The following AKT3 variants were observed in gnomAD, a reference collection of about 807,000 sequenced individuals.
AKT3 encodes the protein RAC-gamma serine/threonine-protein kinase.
In AKT3, 15 loss-of-function variants were observed where a neutral mutation model predicts 65.3. That is an observed-to-expected ratio of 0.23 (90% CI 0.15 to 0.35). The LOEUF (loss-of-function observed/expected upper bound fraction) is 0.35, where lower values mean the gene tolerates loss of function less well. Ranked by LOEUF, AKT3 falls within the 10% of genes least tolerant of loss-of-function variation. The pLI, the probability that AKT3 is intolerant of heterozygous loss-of-function variation, is 1.00. For synonymous variants in AKT3, 206 were observed against 183.8 expected, an observed-to-expected ratio of 1.12 and a Z score of -0.98; for missense variants, 243 against 576.5, an observed-to-expected ratio of 0.42 and a Z score of 5.92.
chr1:243,712,549 A>T (rs1184622848), intron 2 of AKT3, among the ~76,000 whole-genome samples: 1 of 151,210 alleles, frequency 6.6e-6, no homozygotes, highest in East Asian at 1.9e-4. Context: ...CTCCACACAT[A>T]TTTTTTTTTG....
intron 6 of AKT3, among the ~76,000 whole-genome samples, chr1:243,634,667 A>C (rs1222864840): frequency 6.6e-6 from 1 of 151,952 alleles, no homozygotes; most frequent in Non-Finnish European, 1.5e-5. Context: ...CTATATTAAT[A>C]TCAGACAAAA....
intron 8 of AKT3, among the ~76,000 whole-genome samples, chr1:243,595,314 T>G (rs1215398375): frequency 6.6e-6 from 1 of 152,178 alleles, no homozygotes; most frequent in Non-Finnish European, 1.5e-5. Context: ...GCATTTATAA[T>G]ACCATGAATG....
At chr1:243,672,083 G>T (rs1683190624) in intron 3 of AKT3, among the ~76,000 whole-genome samples, 1 of 152,126 alleles carries the variant, frequency 6.6e-6, no homozygotes, top group South Asian at 2.1e-4. Context: ...AACAGTGTTT[G>T]AGCGGGAGAG....
rs1202481329 is a variant in AKT3, at chr1:243,500,819, A to G, written c.*4430T>C. The G allele has an allele frequency of 8.7e-6, 2 of 229,012 alleles. No homozygotes were observed. Among genetic ancestry groups the G allele is most frequent in the Non-Finnish European group, 1.7e-5 (2 of 115,546 alleles). The allele number at this position is 229,012 out of a possible 1,614,324, so 14.2% of individuals were successfully genotyped here. ...CAGAGACCATTTGAATCTCTTGAGC[A>G]TGTAAAAGGTTCAAGCCTGAAACAG... On this transcript the variant is annotated 3_prime_UTR_variant, in exon 14 of 14. Coordinates refer to ENST00000673466, the MANE Select transcript of AKT3 (RefSeq NM_005465.7).
intron 3 of AKT3, among the ~76,000 whole-genome samples, chr1:243,694,030 T>C (rs533040778): frequency 3.2e-4 from 48 of 152,246 alleles, no homozygotes; most frequent in Non-Finnish European, 6.2e-4. Context: ...AGTGGAAGTG[T>C]TGGAGCAGAT....
intron 12 of AKT3, among the ~76,000 whole-genome samples, chr1:243,521,019 CT>C (rs1470654610): frequency 6.6e-6 from 1 of 152,160 alleles, no homozygotes; most frequent in Non-Finnish European, 1.5e-5. Context: ...ACCAAGGTCT[CT>C]GAAGGTAAGA....
intron 2 of AKT3, among the ~76,000 whole-genome samples, chr1:243,817,720 T>TA (rs1181523979): frequency 2.0e-5 from 3 of 152,178 alleles, no homozygotes; most frequent in Non-Finnish European, 4.4e-5. Context: ...AGATGGGTGA[T>TA]AGAGTGAGAC....
chr1:243,842,948 C>T (rs1695337078), intron 2 of AKT3, among the ~76,000 whole-genome samples, 177 bp downstream of exon 2: 1 of 151,986 alleles, frequency 6.6e-6, no homozygotes, highest in African/African-American at 2.4e-5. Context: ...TCAAGAATTA[C>T]AAAAAAATCC....
chr1:243,624,672 T>C (rs1376582727), intron 6 of AKT3: 3 of 199,912 alleles, frequency 1.5e-5, no homozygotes, highest in African/African-American at 7.0e-5. Context: ...TGCCTTCTTA[T>C]AGTGGTGAAC....
intron 2 of AKT3, among the ~76,000 whole-genome samples, chr1:243,810,660 T>C (rs1043126779): frequency 1.3e-5 from 2 of 152,162 alleles, no homozygotes; most frequent in African/African-American, 4.8e-5. Flanking sequence ...GAGGGAATCC[T>C]CCCTAACTCA....
intron 2 of AKT3, among the ~76,000 whole-genome samples, chr1:243,786,386 T>C (rs556875288): frequency 1.2e-4 from 18 of 152,308 alleles, no homozygotes; most frequent in Non-Finnish European, 2.9e-5. Flanking sequence ...AAAAAAAGAA[T>C]AGCAGTCTTT....
intron 12 of AKT3, among the ~76,000 whole-genome samples, chr1:243,513,703 G>A (rs962854981): frequency 1.4e-4 from 22 of 152,158 alleles, no homozygotes; most frequent in Admixed American, 1.2e-3. Flanking sequence ...GCTATTCTAA[G>A]GTCTTCATGA....
At chr1:243,506,185 C>T (rs528400959) in intron 13 of AKT3, among the ~76,000 whole-genome samples, 4 of 152,346 alleles carry the variant, frequency 2.6e-5, no homozygotes, top group South Asian at 2.1e-4. Flanking sequence ...GCCCAAGGAC[C>T]GCAGAACTTT....
chr1:243,825,763 A>G (rs1361831446), intron 2 of AKT3, among the ~76,000 whole-genome samples: 2 of 152,196 alleles, frequency 1.3e-5, no homozygotes, highest in African/African-American at 4.8e-5. Flanking sequence ...GGGGAATAAA[A>G]CTAATTGAAA....
At chr1:243,803,801 A>C (rs1385673776) in intron 2 of AKT3, among the ~76,000 whole-genome samples, 5 of 152,160 alleles carry the variant, frequency 3.3e-5, no homozygotes, top group Non-Finnish European at 5.9e-5. Flanking sequence ...GGATCCAGAC[A>C]ATCAAGTTTG....
intron 2 of AKT3, among the ~76,000 whole-genome samples, chr1:243,834,474 A>G (rs779927981): frequency 9.9e-5 from 15 of 152,180 alleles, no homozygotes; most frequent in Admixed American, 3.9e-4. Flanking sequence ...TGGACAATGT[A>G]TACTCGATGT....
At chr1:243,660,979 A>C (rs1174975718) in intron 4 of AKT3, among the ~76,000 whole-genome samples, 1 of 152,226 alleles carries the variant, frequency 6.6e-6, no homozygotes, top group Non-Finnish European at 1.5e-5. Flanking sequence ...AGAATAAAAT[A>C]CCTAGGAATC....
intron 12 of AKT3, among the ~76,000 whole-genome samples, chr1:243,517,033 T>C (rs1316751855): frequency 6.6e-6 from 1 of 152,212 alleles, no homozygotes; most frequent in African/African-American, 2.4e-5. Context: ...CTAAACACAT[T>C]GTGTTTTCGT....
chr1:243,561,489 G>A (rs1211994368), intron 10 of AKT3, among the ~76,000 whole-genome samples: 1 of 152,090 alleles, frequency 6.6e-6, no homozygotes, highest in Non-Finnish European at 1.5e-5. Flanking sequence ...CCACCTCTTA[G>A]CTGTGTACAG....
Sources: allele counts gnomAD v4.1 joint callset (sites outside exome capture counted in the v4.1 genomes callset), GRCh38; gene constraint gnomAD v4.1.1; transcripts MANE v1.5; gene names NCBI Gene and HGNC (gene_info 2026-07-23, HGNC 2026-07-21).